The following EYS variants were observed in gnomAD, a reference collection of about 807,000 sequenced individuals.
EYS encodes EGF-like photoreceptor maintenance factor, also known as protein eyes shut homolog.
EYS carries 250 observed loss-of-function variants against 282.1 expected under a neutral mutation model. The observed-to-expected ratio is 0.89, with a 90% confidence interval of 0.80 to 0.98. The LOEUF is 0.98. EYS is among the 50% of genes least tolerant of loss of function. The probability of loss-of-function intolerance (pLI) is 0.00; values close to 1 mark genes in which losing one functional copy is unlikely to be tolerated. For synonymous variants in EYS, 1,355 were observed against 1,282.9 expected, an observed-to-expected ratio of 1.06 and a Z score of -1.20; for missense variants, 4,016 against 3,709.0, an observed-to-expected ratio of 1.08 and a Z score of -2.15.
rs150698298 is a variant in EYS at position 63,869,627 on chromosome 6, T to A, written c.7056-5269A>T. On this transcript the variant is annotated intron_variant, in intron 35 of 42. Transcript: ENST00000503581. ...ATAGTAAACATGGCCATTATCTAAA[T>A]ACATTAAATGAGGTATGTGTGAGAA... Among the ~76,000 whole-genome samples, 257 of 152,272 alleles carry A rather than the reference T, an allele frequency of 1.7e-3. 1 individual carries two copies. Among genetic ancestry groups the A allele is most frequent in the African/African-American group, 4.6e-3 (193 of 41,576 alleles).
At chr6:64,225,214 C>A (rs779202114) in intron 31 of EYS, among the ~76,000 whole-genome samples, 3 of 152,070 alleles carry the variant, frequency 2.0e-5, no homozygotes, top group Non-Finnish European at 2.9e-5. Context: ...CACTAGATAT[C>A]CACTCAATAG....
chr6:64,918,966 C>T (rs1768249888), intron 15 of EYS, among the ~76,000 whole-genome samples: 1 of 152,042 alleles, frequency 6.6e-6, no homozygotes, highest in Non-Finnish European at 1.5e-5. Context: ...TTAAATTTGG[C>T]CTTCTCTGCT....
intron 5 of EYS, chr6:65,490,072 C>T (rs1765981916): frequency 6.5e-6 from 1 of 153,302 alleles, no homozygotes; most frequent in African/African-American, 2.4e-5. Context: ...ACATGGCATA[C>T]CTATGTAACA....
intron 2 of EYS, among the ~76,000 whole-genome samples, chr6:65,581,867 T>C (rs1193626775): frequency 2.6e-5 from 4 of 151,948 alleles, no homozygotes; most frequent in Non-Finnish European, 5.9e-5. Flanking sequence ...GTGATTCCTA[T>C]TGGTGATTTT....
chr6:65,004,721 C>T (rs1561915362), intron 13 of EYS, among the ~76,000 whole-genome samples: 1 of 147,536 alleles, frequency 6.8e-6, no homozygotes, highest in Non-Finnish European at 1.5e-5. Context: ...CTGTCATTCA[C>T]CTGGCATATT....
intron 39 of EYS, 58 bp from the exon 40 acceptor site, chr6:63,778,238 A>G (rs1197492111): frequency 1.0e-5 from 15 of 1,482,576 alleles, no homozygotes; most frequent in Non-Finnish European, 1.4e-5. Context: ...AAAAAACAAG[A>G]AGAAGGTTAT....
intron 12 of EYS, among the ~76,000 whole-genome samples, chr6:65,099,939 A>G (rs1404726652): frequency 6.6e-6 from 1 of 150,822 alleles, no homozygotes; most frequent in Admixed American, 6.6e-5. Flanking sequence ...AAGACTGACA[A>G]AGTAAGATGT....
intron 14 of EYS, among the ~76,000 whole-genome samples, chr6:64,956,674 A>T (rs1270203551): frequency 2.6e-5 from 4 of 152,206 alleles, no homozygotes; most frequent in Non-Finnish European, 5.9e-5. Flanking sequence ...AAATTTTTGT[A>T]AATTACCAAT....
intron 1 of EYS, among the ~76,000 whole-genome samples, chr6:65,706,647 A>G (rs1769889453): frequency 6.6e-6 from 1 of 152,212 alleles, no homozygotes; most frequent in Admixed American, 6.5e-5. Flanking sequence ...GATCATTAAC[A>G]TGAGAATAAA....
chr6:65,565,496 G>A (rs978334459), intron 2 of EYS, among the ~76,000 whole-genome samples: 1 of 152,046 alleles, frequency 6.6e-6, no homozygotes, highest in Non-Finnish European at 1.5e-5. Flanking sequence ...TTACACTGTT[G>A]GTGGGAGTAT....
chr6:63,973,230 T>G (rs1296931548), intron 35 of EYS, among the ~76,000 whole-genome samples: 1 of 152,166 alleles, frequency 6.6e-6, no homozygotes, highest in Non-Finnish European at 1.5e-5. Flanking sequence ...GTTTCCTGAC[T>G]TTTTAATGAT....
intron 38 of EYS, 102 bp from the exon 39 acceptor site, chr6:63,788,351 T>TCAGGTCTTTG: frequency 1.1e-6 from 1 of 922,426 alleles, no homozygotes; most frequent in Middle Eastern, 2.3e-4. Context: ...CATGAAAAAT[T>TCAGGTCTTTG]TACAAAGACC....
chr6:65,564,219 T>A (rs1054533896), intron 2 of EYS, among the ~76,000 whole-genome samples: 3 of 152,110 alleles, frequency 2.0e-5, no homozygotes, highest in African/African-American at 7.2e-5. Flanking sequence ...ATAGATTCAA[T>A]GTTATCCCCA....
chr6:64,133,188 C>G (rs1774040636), intron 31 of EYS, among the ~76,000 whole-genome samples: 1 of 151,852 alleles, frequency 6.6e-6, no homozygotes, highest in Non-Finnish European at 1.5e-5. Flanking sequence ...CTCATATTAA[C>G]TTATCCTTAC....
intron 5 of EYS, among the ~76,000 whole-genome samples, chr6:65,472,104 C>G (rs1207496310): frequency 2.6e-5 from 4 of 152,028 alleles, no homozygotes; most frequent in Non-Finnish European, 5.9e-5. Flanking sequence ...TTTCCATGCA[C>G]TTTGAAGGGG....
chr6:63,727,737 A>AAATATATATATATATATATAT (rs1554164607), intron 41 of EYS, among the ~76,000 whole-genome samples: 9 of 36,720 alleles, frequency 2.5e-4, no homozygotes, highest in Non-Finnish European at 3.4e-4. Context: ...AAAAAAAAAA[A>AAATATATATATATATATATAT]ATATATATAT....
intron 29 of EYS, among the ~76,000 whole-genome samples, chr6:64,326,568 C>T (rs1333829018): frequency 6.6e-6 from 1 of 152,140 alleles, no homozygotes; most frequent in Non-Finnish European, 1.5e-5. Flanking sequence ...TTGATAAACT[C>T]TCCTGAACCT....
chr6:65,119,759 T>C (rs1271528821), intron 12 of EYS, among the ~76,000 whole-genome samples: 2 of 151,630 alleles, frequency 1.3e-5, no homozygotes. Flanking sequence ...TCCAGCTACT[T>C]GGGAGGCTGA....
At chr6:65,282,535 G>A (rs1207686352) in intron 12 of EYS, among the ~76,000 whole-genome samples, 1 of 151,948 alleles carries the variant, frequency 6.6e-6, no homozygotes, top group African/African-American at 2.4e-5. Context: ...ATGTTATTGT[G>A]TGCAATGCTG....
Sources: gnomAD v4.1 joint callset for allele counts (sites outside exome capture counted in the v4.1 genomes callset) on GRCh38, gnomAD v4.1.1 for gene constraint, MANE v1.5 for transcripts, NCBI Gene and HGNC (gene_info 2026-07-23, HGNC 2026-07-21) for gene names.